VWA3B: variants seen among roughly 807,000 people sequenced by gnomAD.
VWA3B encodes von Willebrand factor A domain-containing protein 3B.
Under a neutral mutation model 158.3 loss-of-function variants are expected in VWA3B, and 138 were observed. That is an observed-to-expected ratio of 0.87 (90% CI 0.76 to 1.00). The LOEUF (loss-of-function observed/expected upper bound fraction) is 1.00, where lower values mean the gene tolerates loss of function less well. Ranked by LOEUF, VWA3B falls within the 50% of genes least tolerant of loss-of-function variation. The pLI is 0.00. For missense variants in VWA3B, 1,555 were observed against 1,565.1 expected, an observed-to-expected ratio of 0.99 and a Z score of 0.11; for synonymous variants, 596 against 587.3, an observed-to-expected ratio of 1.01 and a Z score of -0.21.
intron 7 of VWA3B, among the ~76,000 whole-genome samples, chr2:98,134,851 T>G (rs2105057322): frequency 6.6e-6 from 1 of 151,926 alleles, no homozygotes; most frequent in African/African-American, 2.4e-5. Flanking sequence ...GAGATAAAAG[T>G]GAAGATGAGT....
intron 9 of VWA3B, among the ~76,000 whole-genome samples, chr2:98,184,095 G>A (rs1680817636): frequency 1.3e-5 from 2 of 152,210 alleles, no homozygotes; most frequent in South Asian, 4.1e-4. Flanking sequence ...GTTGGAGGCA[G>A]GGTTTGAACT....
Position 98,312,342 on chromosome 2 carries a change from C to A in VWA3B, c.3878C>A (p.Thr1293Lys). 1 of 1,606,532 alleles carries A rather than the reference C, an allele frequency of 6.2e-7. No individual in the cohort carries two copies. Among genetic ancestry groups the A allele is most frequent in the Non-Finnish European group, 8.5e-7 (1 of 1,174,368 alleles). ...SSKGLRSVPE[T>K]L The stretch of plus-strand genomic sequence containing the variant: ...AAAGGGCTGAGGAGCGTCCCTGAGA[C>A]ACTTTAAGGCCGTCTGGTGGCAGCT... Residue 1293 changes from threonine to lysine, a missense_variant, in exon 28 of 28, where the codon ACA becomes AAA. Thr to Lys is a moderately conservative substitution (Grantham distance 78, BLOSUM62 -1). Transcript: ENST00000477737.
chr2:98,236,904 G>A (rs539740046), intron 19 of VWA3B, 174 bp downstream of exon 19: 19 of 884,162 alleles, frequency 2.1e-5, no homozygotes, highest in African/African-American at 5.1e-5. Flanking sequence ...ATTTGGGCGC[G>A]GTGGCGCATG....
In VWA3B at chr2:98,233,363, T is replaced by C. The variant is rs965119439; in HGVS notation, c.2309-1285T>C. ...CTAGATAAATGTTTCATTCCGTATT[T>C]GTGGCCTTTGGGAATGGTATAGTTT... On this transcript the variant is annotated intron_variant, in intron 16 of 27. Transcript: ENST00000477737. Among the ~76,000 whole-genome samples the C allele has an allele frequency of 2.6e-5, 4 of 152,170 alleles. No individual in the cohort carries two copies. The South Asian group carries it at 8.3e-4, about 32-fold the overall frequency.
rs773234509 is a variant in VWA3B at position 98,298,031 on chromosome 2, G to T, written c.3282G>T (p.Gln1094His). 1.4e-5 allele frequency: 21 copies of T among 1,552,466 alleles called. No homozygotes were observed. Residue 1094 changes from glutamine (Q) to histidine (H), a missense_variant and splice_region_variant, in exon 24 of 28, where the codon CAG becomes CAT. By Grantham distance (24) the Gln-to-His change is conservative. Transcript: ENST00000477737. The part of the protein sequence containing the change: ...VGGAMPCPLL[Q>H]VGDYVFAKIV... ...GCGCCATGCCCTGCCCGCTGCTCCAGGTACCCAGTCCCTGATGTGTTCTGG... is the reference window on the plus strand; with the variant it reads ...GCGCCATGCCCTGCCCGCTGCTCCATGTACCCAGTCCCTGATGTGTTCTGG...
At chr2:98,165,981 C>A (rs1339452891) in intron 8 of VWA3B, among the ~76,000 whole-genome samples, 1 of 152,024 alleles carries the variant, frequency 6.6e-6, no homozygotes, top group Non-Finnish European at 1.5e-5. Context: ...GAATTGTGCC[C>A]CCCCAGTTCA....
Position 98,125,380 on chromosome 2 carries a change from C to T in VWA3B, c.703-2859C>T, listed in dbSNP as rs115349216. Among the ~76,000 whole-genome samples, 1,464 of 152,322 alleles carry T rather than the reference C, an allele frequency of 9.6e-3. 40 individuals are homozygous for T. Among genetic ancestry groups the T allele is most frequent in the African/African-American group, 0.034 (1,397 of 41,570 alleles). ...ACCAGCCTTGCCACAAATAGCACAG[C>T]GTAGCCGTGGACAGCAAGGGCAGGG... On this transcript the variant is annotated intron_variant, in intron 5 of 27. Transcript: ENST00000477737. This position sits in a 1 kb window ranked among gnomAD's most constrained non-coding sequence, Gnocchi z 4.1.
chr2:98,267,703 A>T (rs1687931132), intron 21 of VWA3B, among the ~76,000 whole-genome samples: 1 of 152,110 alleles, frequency 6.6e-6, no homozygotes, highest in African/African-American at 2.4e-5. Flanking sequence ...GCAGAACTGA[A>T]GGAAATAGAG....
intron 7 of VWA3B, among the ~76,000 whole-genome samples, chr2:98,158,002 A>G (rs1678240188): frequency 6.6e-6 from 1 of 152,178 alleles, no homozygotes; most frequent in Non-Finnish European, 1.5e-5. Flanking sequence ...GCATGAACCT[A>G]GAAGGAAATG....
intron 22 of VWA3B, among the ~76,000 whole-genome samples, chr2:98,280,200 T>A (rs918359249): frequency 1.3e-5 from 2 of 152,184 alleles, no homozygotes; most frequent in African/African-American, 4.8e-5. Flanking sequence ...TGTTTGTGTG[T>A]TTTTTCCTAA....
rs1311906188 is a variant in VWA3B, at chr2:98,093,119, C to T, written c.27C>T (p.Thr9=). Residue 9 remains threonine (T), a synonymous_variant, in exon 2 of 28, where the codon ACC becomes ACT. Coordinates refer to ENST00000477737, the MANE Select transcript of VWA3B (RefSeq NM_144992.5). The part of the protein sequence containing the change: MEKSGPSS[T]ISEQQLQRQE... ...TGGAGAAATCAGGCCCATCTTCTAC[C>T]ATCTCTGAGCAGCAGCTGCAGAGGC... The T allele has an allele frequency of 3.1e-6, 5 of 1,613,586 alleles. No homozygotes were observed. The highest frequency in any genetic ancestry group is 3.3e-5 in the Admixed American group (2 of 59,968).
At chr2:98,273,740 G>A (rs1004021919) in intron 22 of VWA3B, among the ~76,000 whole-genome samples, 5 of 152,142 alleles carry the variant, frequency 3.3e-5, no homozygotes, top group Non-Finnish European at 2.9e-5. Flanking sequence ...ATTTGAACGA[G>A]GATGACAGAC....
chr2:98,175,498 G>A (rs541881317), intron 8 of VWA3B, among the ~76,000 whole-genome samples: 1 of 152,144 alleles, frequency 6.6e-6, no homozygotes, highest in Non-Finnish European at 1.5e-5. Flanking sequence ...TGAATTTTTA[G>A]ATAGCTCAAT....
At chr2:98,093,014 T>C in intron 1 of VWA3B, 47 bp from the exon 2 acceptor site, 15 of 1,425,822 alleles carry the variant, frequency 1.1e-5, no homozygotes, top group Non-Finnish European at 1.4e-5. Flanking sequence ...TGACGTTAGA[T>C]GATTTCCAAG....
At chr2:98,166,799 T>C (rs867250243) in intron 8 of VWA3B, among the ~76,000 whole-genome samples, 1 of 145,826 alleles carries the variant, frequency 6.9e-6, no homozygotes, top group Admixed American at 6.8e-5. Flanking sequence ...TTTAATCTAA[T>C]ACACACACAC....
At chr2:98,173,249 T>C (rs560365554) in intron 8 of VWA3B, among the ~76,000 whole-genome samples, 2 of 152,350 alleles carry the variant, frequency 1.3e-5, no homozygotes, top group Admixed American at 6.5e-5. Context: ...CTTGTCAAAG[T>C]GTTCACACTT....
intron 7 of VWA3B, among the ~76,000 whole-genome samples, chr2:98,141,455 G>C (rs1676776799): frequency 6.6e-6 from 1 of 152,060 alleles, no homozygotes; most frequent in Non-Finnish European, 1.5e-5. Context: ...GAGTGAGAAG[G>C]GGGAGGACTC....
At chr2:98,292,752 G>A (rs1022785980) in intron 23 of VWA3B, among the ~76,000 whole-genome samples, 1 of 152,114 alleles carries the variant, frequency 6.6e-6, no homozygotes, top group South Asian at 2.1e-4. Context: ...ATCACCTGAG[G>A]TCGGGAGTTT....
At chr2:98,194,192 A>T (rs1485522185) in intron 11 of VWA3B, among the ~76,000 whole-genome samples, 169 bp from the exon 12 acceptor site, 1 of 152,130 alleles carries the variant, frequency 6.6e-6, no homozygotes, top group Non-Finnish European at 1.5e-5. Flanking sequence ...GATAAATTTT[A>T]TTTAAATATC....
Sources: gnomAD v4.1 joint callset for allele counts (sites outside exome capture counted in the v4.1 genomes callset) on GRCh38, gnomAD v4.1.1 for gene constraint, Gnocchi (gnomAD v3.1) non-coding constraint, MANE v1.5 for transcripts, NCBI Gene and HGNC (gene_info 2026-07-23, HGNC 2026-07-21) for gene names.